The following ATRN variants were observed in gnomAD, a reference collection of about 807,000 sequenced individuals.
ATRN encodes the protein attractin-2.
A neutral mutation model predicts 178.7 loss-of-function variants in ATRN; 54 were observed. That is an observed-to-expected ratio of 0.30 (90% confidence interval 0.24 to 0.38). The LOEUF (loss-of-function observed/expected upper bound fraction) is 0.38. ATRN is among the 10% of genes least tolerant of loss of function. ATRN has a pLI of 1.00. For synonymous variants in ATRN, 636 were observed against 663.0 expected (o/e 0.96, Z 0.63); for missense variants, 1,443 against 1,815.1 (o/e 0.79, Z 3.73).
chr20:3,640,546 C>A (rs2087059845), intron 27 of ATRN, among the ~76,000 whole-genome samples: 1 of 152,130 alleles, frequency 6.6e-6, no homozygotes, highest in Non-Finnish European at 1.5e-5. Context: ...GGAAAGAAAA[C>A]AAGTTGGATT....
chr20:3,609,937 A>T lies in ATRN; in HGVS notation c.3801+5675A>T, dbSNP rs183252412. Among the ~76,000 whole-genome samples the T allele has an allele frequency of 6.0e-4, 92 of 152,286 alleles. 1 individual carries two copies. Among genetic ancestry groups the T allele is most frequent in the African/African-American group, 2.0e-3 (84 of 41,550 alleles). Reference sequence around the variant, plus strand: ...TTCTTAGAGACAGAAAGTGGATTGGAGGTTACCAGCAGCTAGGGGGAGCGG... The same window carrying T: ...TTCTTAGAGACAGAAAGTGGATTGGTGGTTACCAGCAGCTAGGGGGAGCGG... On this transcript the variant is annotated intron_variant, in intron 24 of 28. Transcript: ENST00000262919.
Position 3,649,634 on chromosome 20 carries a change from C to T in ATRN, c.*2787C>T, listed in dbSNP as rs1332400790. 1 of 152,240 alleles carries T rather than the reference C, an allele frequency of 6.6e-6. No individual in the cohort carries two copies. The highest frequency in any genetic ancestry group is 6.5e-5 in the Admixed American group (1 of 15,290). The allele number at this position is 152,240 out of a possible 1,614,324, so 9.4% of individuals were successfully genotyped here. A position where few individuals can be genotyped will look rare whatever the true frequency, so the allele number is the denominator to read the frequency against. On this transcript the variant is annotated 3_prime_UTR_variant, in exon 29 of 29. Coordinates refer to ENST00000262919, the MANE Select transcript of ATRN (RefSeq NM_139321.3). ...GGAGACTCAGGAAGCAGAGGCGTCCCTGCCGCTGCCCTTGGCCCTGCAAGC... is the reference window on the plus strand; with the variant it reads ...GGAGACTCAGGAAGCAGAGGCGTCCTTGCCGCTGCCCTTGGCCCTGCAAGC...
At chr20:3,511,586 C>T (rs1221063217) in intron 1 of ATRN, among the ~76,000 whole-genome samples, 1 of 152,106 alleles carries the variant, frequency 6.6e-6, no homozygotes, top group African/African-American at 2.4e-5. Flanking sequence ...TCTATTTAGA[C>T]ATTAACTCTG....
chr20:3,489,698 A>C, intron 1 of ATRN: 3 of 1,579,160 alleles, frequency 1.9e-6, no homozygotes, highest in Middle Eastern at 2.3e-4. Flanking sequence ...TCACATTAGC[A>C]AAGTGAGCAG....
intron 3 of ATRN, 24 bp from the exon 4 acceptor site, chr20:3,545,738 A>G (rs199694389): frequency 3.0e-5 from 48 of 1,612,716 alleles, no homozygotes; most frequent in South Asian, 5.5e-5. Context: ...GCTTCCCTCT[A>G]TAAGAAGTGT....
intron 1 of ATRN, among the ~76,000 whole-genome samples, chr20:3,501,162 T>C (rs1243055712): frequency 6.6e-6 from 1 of 152,108 alleles, no homozygotes; most frequent in Non-Finnish European, 1.5e-5. Context: ...AAATGGATAA[T>C]TATATTGGAT....
rs542730655 is a variant in ATRN, at chr20:3,578,809, T to A, written c.2544+37T>A. 2.7e-5 allele frequency: 43 copies of A among 1,575,634 alleles called. No homozygotes were observed. The African/African-American group carries it at 3.2e-4, about 12-fold the overall frequency. ...TCCTCAAAACTTAAGTTTCTGGTTA[T>A]CCACCTTTCTACCAAGGGCATGACT... is the stretch of plus-strand genomic sequence containing the variant. On this transcript the variant is annotated intron_variant, in intron 15 of 28. Transcript: ENST00000262919.
intron 1 of ATRN, among the ~76,000 whole-genome samples, chr20:3,514,299 G>A (rs1208875776): frequency 6.6e-6 from 1 of 152,098 alleles, no homozygotes; most frequent in Non-Finnish European, 1.5e-5. Flanking sequence ...ACTATTATAG[G>A]TATTTCACCA....
intron 27 of ATRN, 33 bp from the exon 28 acceptor site, chr20:3,644,121 A>G: frequency 1.3e-6 from 2 of 1,489,218 alleles, no homozygotes. Context: ...AAGCTTGAGT[A>G]TCACTTAAGG....
At chr20:3,561,025 A>G (rs541343239) in intron 8 of ATRN, 120 bp downstream of exon 8, 14 of 1,326,324 alleles carry the variant, frequency 1.1e-5, no homozygotes, top group African/African-American at 1.5e-5. Flanking sequence ...ATCTTGAAAC[A>G]TAGTAAACAC....
chr20:3,518,665 A>G (rs2085239697), intron 1 of ATRN, among the ~76,000 whole-genome samples: 2 of 152,152 alleles, frequency 1.3e-5, no homozygotes, highest in South Asian at 4.1e-4. Context: ...TAATCTCTCT[A>G]CTGAACAATT....
At chr20:3,486,043 T>TAA (rs1388322495) in intron 1 of ATRN, among the ~76,000 whole-genome samples, 6 of 152,258 alleles carry the variant, frequency 3.9e-5, no homozygotes, top group Admixed American at 2.6e-4. Context: ...AGATTGATCA[T>TAA]TATTTTCTTT....
intron 1 of ATRN, among the ~76,000 whole-genome samples, chr20:3,484,068 G>A (rs1424507190): frequency 6.6e-6 from 1 of 151,852 alleles, no homozygotes; most frequent in East Asian, 1.9e-4. Flanking sequence ...GGCAACATAG[G>A]GAGACCCCAT....
chr20:3,567,474 G>A (rs1187097504), intron 11 of ATRN, among the ~76,000 whole-genome samples: 1 of 152,152 alleles, frequency 6.6e-6, no homozygotes, highest in Non-Finnish European at 1.5e-5. Context: ...CCTTGCCTGA[G>A]TTGTAATGTT....
At chr20:3,526,625 C>A (rs557443375) in intron 1 of ATRN, among the ~76,000 whole-genome samples, 7 of 152,074 alleles carry the variant, frequency 4.6e-5, no homozygotes, top group Non-Finnish European at 1.0e-4. Flanking sequence ...CCCATATAAC[C>A]AAGACAGCCC....
chr20:3,474,634 G>A (rs938627041), intron 1 of ATRN, among the ~76,000 whole-genome samples: 1 of 151,684 alleles, frequency 6.6e-6, no homozygotes, highest in African/African-American at 2.4e-5. Flanking sequence ...GTGAACCCGG[G>A]AGGCAGAGCT....
intron 24 of ATRN, 138 bp downstream of exon 24, chr20:3,604,400 G>A: frequency 1.0e-6 from 1 of 986,050 alleles, no homozygotes; most frequent in Admixed American, 3.0e-5. Context: ...GCAGAGGAGT[G>A]CTGAGCACAT....
Position 3,584,641 on chromosome 20 carries a change from TAATAGCTGAAAA to T in ATRN, c.2951-5_2957del, listed in dbSNP as rs1600130886. 5 of 1,594,566 alleles carry T rather than the reference TAATAGCTGAAAA, an allele frequency of 3.1e-6. No individual in the cohort carries two copies. Among genetic ancestry groups the T allele is most frequent in the Admixed American group, 1.8e-5 (1 of 56,922 alleles). ...ATAGTCAATTGCAACTTTTTTTTTT[TAATAGCTGAAAA>T]TTGTTCAGGCTACTGTACCTGTAGT... is the stretch of plus-strand genomic sequence containing the variant. On this transcript the variant is annotated splice_acceptor_variant and splice_polypyrimidine_tract_variant and coding_sequence_variant and intron_variant, in exon 18 of 29. Transcript: ENST00000262919. LOFTEE classifies it high-confidence loss of function.
rs778477025 is a variant in ATRN, at chr20:3,549,292, G to A, written c.1066G>A (p.Val356Ile). The A allele has an allele frequency of 2.5e-5, 41 of 1,609,060 alleles. No individual in the cohort carries two copies. Among genetic ancestry groups the A allele is most frequent in the Non-Finnish European group, 3.4e-5 (40 of 1,178,460 alleles). Residue 356 changes from valine to isoleucine, a missense_variant, in exon 6 of 29, where the codon GTT becomes ATT. By Grantham distance (29) the Val-to-Ile change is conservative (BLOSUM62 3). Coordinates refer to ENST00000262919, the MANE Select transcript of ATRN (RefSeq NM_139321.3). ...AVVNGNIMWV[V>I]GGYMFNHSDY... ...GGTCAATGGAAACATTATGTGGGTT[G>A]TTGGAGGATATATGTTCAACCACTC...
Sources: gnomAD v4.1 joint callset for allele counts (sites outside exome capture counted in the v4.1 genomes callset) on GRCh38, gnomAD v4.1.1 for gene constraint, MANE v1.5 for transcripts, NCBI Gene and HGNC (gene_info 2026-07-23, HGNC 2026-07-21) for gene names.